The following CDH8 variants were observed in gnomAD, a reference collection of about 807,000 sequenced individuals.
The protein encoded by CDH8 is cadherin-8.
In CDH8, 17 loss-of-function variants were observed where a neutral mutation model predicts 68.1. The ratio of observed to expected loss-of-function variants is 0.25; its 90% CI spans 0.17 to 0.37. The LOEUF (loss-of-function observed/expected upper bound fraction) is 0.37. CDH8 is among the 10% of genes least tolerant of loss of function. The pLI is 1.00. For missense variants in CDH8, 763 were observed against 999.3 expected, an observed-to-expected ratio of 0.76 and a Z score of 3.19; for synonymous variants, 372 against 365.1, an observed-to-expected ratio of 1.02 and a Z score of -0.21.
At chr16:62,033,487 CAG>C (rs1486798095) in intron 1 of CDH8, among the ~76,000 whole-genome samples, 1 of 152,144 alleles carries the variant, frequency 6.6e-6, no homozygotes, top group Non-Finnish European at 1.5e-5. Context: ...AGAAATGTTA[CAG>C]AGTCTTGAAT....
At chr16:61,986,826 G>A (rs1404985150) in intron 2 of CDH8, among the ~76,000 whole-genome samples, 1 of 152,178 alleles carries the variant, frequency 6.6e-6, no homozygotes. Flanking sequence ...ACATTTGAAA[G>A]AATCAAGAAG....
intron 1 of CDH8, among the ~76,000 whole-genome samples, chr16:62,022,665 G>T (rs992707581): frequency 1.3e-5 from 2 of 152,166 alleles, no homozygotes; most frequent in Non-Finnish European, 2.9e-5. Flanking sequence ...GTGTGGCTCA[G>T]GGAATTCATA....
intron 10 of CDH8, among the ~76,000 whole-genome samples, chr16:61,685,199 A>C (rs1348095064): frequency 2.0e-5 from 3 of 151,232 alleles, no homozygotes; most frequent in African/African-American, 4.9e-5. Flanking sequence ...AAAAAAAAAA[A>C]CCTACAGATT....
intron 7 of CDH8, among the ~76,000 whole-genome samples, chr16:61,795,638 T>C (rs893150632): frequency 1.3e-5 from 2 of 152,054 alleles, no homozygotes; most frequent in African/African-American, 4.8e-5. Context: ...CCAAATTGAC[T>C]GTGGAGATGA....
chr16:61,701,976 T>G (rs561443097), intron 10 of CDH8, among the ~76,000 whole-genome samples: 1 of 152,236 alleles, frequency 6.6e-6, no homozygotes, highest in Non-Finnish European at 1.5e-5. Context: ...ATTTCTATGT[T>G]TTTCTATACC....
intron 1 of CDH8, among the ~76,000 whole-genome samples, chr16:62,032,614 CA>C (rs1474342763): frequency 6.6e-6 from 1 of 152,112 alleles, no homozygotes; most frequent in Non-Finnish European, 1.5e-5. Context: ...AGAATATTTT[CA>C]AAAAGAAGTC....
chr16:61,920,904 C>T (rs1460175666), intron 2 of CDH8, among the ~76,000 whole-genome samples: 2 of 137,200 alleles, frequency 1.5e-5, no homozygotes, highest in Non-Finnish European at 3.1e-5. Context: ...CACATATACA[C>T]CATGGAATAC....
chr16:61,917,131 GAGT>G (rs1964252564), intron 2 of CDH8, among the ~76,000 whole-genome samples: 1 of 151,158 alleles, frequency 6.6e-6, no homozygotes, highest in South Asian at 2.1e-4. Flanking sequence ...TGCAAGTTGG[GAGT>G]AGGAGGAGAG....
intron 7 of CDH8, among the ~76,000 whole-genome samples, chr16:61,807,127 G>A (rs1259213278): frequency 2.0e-5 from 3 of 149,020 alleles, no homozygotes; most frequent in Non-Finnish European, 4.4e-5. Flanking sequence ...ATACACCATG[G>A]AATACTATGC....
At chr16:61,758,386 C>G (rs1319884809) in intron 8 of CDH8, among the ~76,000 whole-genome samples, 10 of 152,078 alleles carry the variant, frequency 6.6e-5, no homozygotes, top group Non-Finnish European at 8.8e-5. Flanking sequence ...GAAACTTTTT[C>G]TGAAATTAGG....
At position 61,652,943 on chromosome 16, in the gene CDH8, C is replaced by A; in HGVS notation, c.*665G>T. Reference sequence around the variant, plus strand: ...GAATGGGATTTCTCTCCTCCCACCACTGAATTGGCAAGCCCCACCCTGGAA... The same window carrying A: ...GAATGGGATTTCTCTCCTCCCACCAATGAATTGGCAAGCCCCACCCTGGAA... On this transcript the variant is annotated 3_prime_UTR_variant, in exon 12 of 12. Coordinates refer to ENST00000577390, the MANE Select transcript of CDH8 (RefSeq NM_001796.5). 6.5e-7 allele frequency: 1 copy of A among 1,527,186 alleles called. No individual in the cohort carries two copies. The highest frequency in any genetic ancestry group is 8.7e-7 in the Non-Finnish European group (1 of 1,143,016). 94.6% of individuals were successfully genotyped at this position (1,527,186 alleles called of 1,614,324 possible). A position where few individuals can be genotyped will look rare whatever the true frequency, so the allele number is the denominator to read the frequency against.
intron 8 of CDH8, among the ~76,000 whole-genome samples, chr16:61,733,377 A>G (rs1019948250): frequency 3.3e-5 from 5 of 152,002 alleles, no homozygotes; most frequent in Non-Finnish European, 5.9e-5. Context: ...AACAGGAAGT[A>G]AACAGTGACT....
intron 8 of CDH8, among the ~76,000 whole-genome samples, chr16:61,750,684 C>A (rs1960137746): frequency 6.6e-6 from 1 of 152,056 alleles, no homozygotes; most frequent in Non-Finnish European, 1.5e-5. Flanking sequence ...TCCCAGGATT[C>A]TCTACAAAAA....
At chr16:61,655,413 A>G in intron 11 of CDH8, 57 bp downstream of exon 11, 1 of 1,576,984 alleles carries the variant, frequency 6.3e-7, no homozygotes, top group Non-Finnish European at 8.7e-7. Context: ...GTCCTTATTT[A>G]CAGTCATTTA....
At chr16:61,754,691 ATTG>A (rs915760780) in intron 8 of CDH8, among the ~76,000 whole-genome samples, 1 of 152,170 alleles carries the variant, frequency 6.6e-6, no homozygotes, top group Non-Finnish European at 1.5e-5. Flanking sequence ...ACAATAAATT[ATTG>A]TTAACTATAT....
chr16:61,705,624 A>T (rs1964512882), intron 10 of CDH8, among the ~76,000 whole-genome samples: 1 of 152,196 alleles, frequency 6.6e-6, no homozygotes, highest in Non-Finnish European at 1.5e-5. Flanking sequence ...GTCCATGATT[A>T]AAGACGCACA....
chr16:61,995,537 C>A (rs1249004325), intron 2 of CDH8, among the ~76,000 whole-genome samples: 2 of 152,056 alleles, frequency 1.3e-5, no homozygotes, highest in African/African-American at 4.8e-5. Flanking sequence ...GTCACAATGC[C>A]CGGCTAATTT....
chr16:61,713,798 C>G (rs1596891155), intron 10 of CDH8, 43 bp downstream of exon 10: 1 of 1,043,324 alleles, frequency 9.6e-7, no homozygotes, highest in East Asian at 2.4e-5. Flanking sequence ...ATCCTATTTT[C>G]CAATTTATAT....
chr16:61,665,752 TTTCC>T (rs35414891), intron 10 of CDH8, among the ~76,000 whole-genome samples: 3,648 of 99,590 alleles, frequency 0.037, 96 homozygotes, highest in Middle Eastern at 0.098. Context: ...CTGAATTTAT[TTTCC>T]TTCCTTCCTT....
Sources: gnomAD v4.1 joint callset for allele counts (sites outside exome capture counted in the v4.1 genomes callset) on GRCh38, gnomAD v4.1.1 for gene constraint, MANE v1.5 for transcripts, NCBI Gene and HGNC (gene_info 2026-07-23, HGNC 2026-07-21) for gene names.